The following SLC30A8 variants were observed in gnomAD, a reference collection of about 807,000 sequenced individuals.
The protein encoded by SLC30A8 is solute carrier family 30 member 8, also known as proton-coupled zinc antiporter SLC30A8.
A neutral mutation model predicts 36.9 loss-of-function variants in SLC30A8; 27 were observed. That is an observed-to-expected ratio of 0.73 (90% CI 0.54 to 1.01). SLC30A8 has a LOEUF of 1.01. SLC30A8 is among the 50% of genes least tolerant of loss of function. SLC30A8 has a pLI of 0.00. For missense variants in SLC30A8, 439 were observed against 452.0 expected, an observed-to-expected ratio of 0.97 and a Z score of 0.26; for synonymous variants, 164 against 172.4, an observed-to-expected ratio of 0.95 and a Z score of 0.38.
intron 1 of SLC30A8, among the ~76,000 whole-genome samples, chr8:116,984,529 T>C (rs775588087): frequency 3.5e-4 from 53 of 152,282 alleles, no homozygotes; most frequent in Non-Finnish European, 6.9e-4. Context: ...GATGTCTCAT[T>C]GGGGTTTTAA....
At chr8:117,041,546 T>C (rs1390198318) in intron 2 of SLC30A8, among the ~76,000 whole-genome samples, 3 of 151,956 alleles carry the variant, frequency 2.0e-5, no homozygotes, top group Non-Finnish European at 4.4e-5. Context: ...AAAAATTAGC[T>C]GGGCGTGGTG....
At chr8:117,031,966 T>G (rs1817066304) in intron 1 of SLC30A8, among the ~76,000 whole-genome samples, 1 of 152,166 alleles carries the variant, frequency 6.6e-6, no homozygotes. Context: ...CCTTTCCACT[T>G]TCACTCCTCA....
intron 2 of SLC30A8, among the ~76,000 whole-genome samples, chr8:117,097,974 A>G (rs1819525840): frequency 8.1e-6 from 1 of 122,876 alleles, no homozygotes. Flanking sequence ...TAAATAAATA[A>G]TAAATTTAAT....
chr8:117,171,016 T>G lies in SLC30A8; in HGVS notation c.830-18T>G, dbSNP rs1427750132. On this transcript the variant is annotated intron_variant, in intron 6 of 7. Transcript: ENST00000456015. ...TCTAGTTGAATAACTACAGCCTCCA[T>G]CTCTTCCCTTTTGTCAGGTGTGCCA... The G allele has an allele frequency of 6.4e-6, 10 of 1,569,956 alleles. No individual in the cohort carries two copies. The highest frequency in any genetic ancestry group is 1.9e-5 in the Admixed American group (1 of 53,612).
intron 2 of SLC30A8, among the ~76,000 whole-genome samples, chr8:117,151,223 G>A (rs1452736649): frequency 1.3e-5 from 2 of 152,148 alleles, no homozygotes; most frequent in Non-Finnish European, 2.9e-5. Flanking sequence ...CCCAGTGAGG[G>A]CAGCTCTCTG....
At chr8:117,039,767 A>G (rs1001207047) in intron 2 of SLC30A8, among the ~76,000 whole-genome samples, 2 of 152,326 alleles carry the variant, frequency 1.3e-5, no homozygotes, top group South Asian at 4.1e-4. Flanking sequence ...GCTTTTCTGT[A>G]TGTTTGTGAC....
chr8:117,152,957 T>G lies in SLC30A8; in HGVS notation c.285T>G (p.Ala95=), dbSNP rs1554590913. The G allele has an allele frequency of 1.9e-6, 3 of 1,609,314 alleles. No homozygotes were observed. The South Asian group carries it at 3.3e-5, about 18-fold the overall frequency. ...MIAEVVGGHI[A]GSLAVVTDAA... The stretch of plus-strand genomic sequence containing the variant: ...TGCATTCTCTAGGTGGGCACATTGC[T>G]GGGAGTCTTGCTGTTGTCACAGATG... The change falls in exon 3 of 8, where the codon GCT becomes GCG. Residue 95 remains alanine, a synonymous_variant. Transcript: ENST00000456015.
chr8:117,018,673 C>A (rs1009687719), intron 1 of SLC30A8, among the ~76,000 whole-genome samples: 2 of 124,896 alleles, frequency 1.6e-5, no homozygotes, highest in Non-Finnish European at 3.4e-5. Context: ...GCCCCCCCCC[C>A]CCTTTTTTTT....
In SLC30A8 at chr8:117,152,960, G is replaced by A; in HGVS notation, c.288G>A (p.Gly96=). The change falls in exon 3 of 8, where the codon GGG becomes GGA. Residue 96 remains glycine (G), a synonymous_variant. Transcript: ENST00000456015. The part of the protein sequence containing the change: ...IAEVVGGHIA[G]SLAVVTDAAH... ...ATTCTCTAGGTGGGCACATTGCTGGGAGTCTTGCTGTTGTCACAGATGCTG... is the reference window on the plus strand; with the variant it reads ...ATTCTCTAGGTGGGCACATTGCTGGAAGTCTTGCTGTTGTCACAGATGCTG... The A allele has an allele frequency of 6.2e-7, 1 of 1,609,430 alleles. No homozygotes were observed. The highest frequency in any genetic ancestry group is 8.5e-7 in the Non-Finnish European group (1 of 1,176,732).
chr8:117,081,839 T>G (rs1247564695), intron 2 of SLC30A8, among the ~76,000 whole-genome samples: 2 of 152,226 alleles, frequency 1.3e-5, no homozygotes, highest in East Asian at 1.9e-4. Flanking sequence ...TTGTGAAGTC[T>G]GGATCAAATA....
chr8:117,151,837 G>A (rs890347040), intron 2 of SLC30A8, among the ~76,000 whole-genome samples: 2 of 152,210 alleles, frequency 1.3e-5, no homozygotes, highest in East Asian at 1.9e-4. Flanking sequence ...AAGGACAGCT[G>A]ATTTGTTAGC....
At chr8:116,990,875 C>G (rs1815616297) in intron 1 of SLC30A8, among the ~76,000 whole-genome samples, 3 of 151,974 alleles carry the variant, frequency 2.0e-5, no homozygotes, top group Admixed American at 2.0e-4. Context: ...TAAAAAACAA[C>G]CAAATAAGTG....
At chr8:117,024,725 G>A (rs1185583515) in intron 1 of SLC30A8, among the ~76,000 whole-genome samples, 1 of 152,174 alleles carries the variant, frequency 6.6e-6, no homozygotes, top group Non-Finnish European at 1.5e-5. Context: ...AAACAAAGGT[G>A]CAGAGCAACA....
At chr8:117,041,767 A>C (rs1349138749) in intron 2 of SLC30A8, among the ~76,000 whole-genome samples, 1 of 152,272 alleles carries the variant, frequency 6.6e-6, no homozygotes, top group East Asian at 1.9e-4. Flanking sequence ...AAAGGACTTG[A>C]CACATTGATT....
intron 1 of SLC30A8, among the ~76,000 whole-genome samples, chr8:116,952,418 T>C (rs1313532046): frequency 6.6e-6 from 1 of 152,168 alleles, no homozygotes; most frequent in African/African-American, 2.4e-5. Flanking sequence ...GAAGGCATCA[T>C]GGCCCCTCAC....
At position 117,051,490 on chromosome 8, in the gene SLC30A8, T is replaced by C. The variant is rs80014144; in HGVS notation, c.-226+12232T>C. Among the ~76,000 whole-genome samples the C allele has an allele frequency of 3.4e-3, 516 of 152,322 alleles. 15 individuals carry two copies. In the East Asian group the frequency reaches 0.063, roughly 19 times the overall value. On this transcript the variant is annotated intron_variant, in intron 2 of 10. Coordinates refer to the SLC30A8 transcript ENST00000427715. ...CCCATGGTAATGAATGGATTCTTGCTGTGGTACTTCATGTGAGAGCTGGTT... is the reference window on the plus strand; with the variant it reads ...CCCATGGTAATGAATGGATTCTTGCCGTGGTACTTCATGTGAGAGCTGGTT...
intron 2 of SLC30A8, among the ~76,000 whole-genome samples, chr8:117,128,134 T>C (rs182544473): frequency 6.6e-6 from 1 of 152,140 alleles, no homozygotes; most frequent in East Asian, 1.9e-4. Context: ...GCTCCTTGCT[T>C]TCTTCTTTCA....
At chr8:117,101,555 T>C (rs1446071395) in intron 2 of SLC30A8, among the ~76,000 whole-genome samples, 1 of 152,218 alleles carries the variant, frequency 6.6e-6, no homozygotes, top group East Asian at 1.9e-4. Flanking sequence ...TTAATAGTGC[T>C]TATCAACTTG....
chr8:117,100,348 C>T lies in SLC30A8; in HGVS notation c.-225-34932C>T, dbSNP rs549070708. On this transcript the variant is annotated intron_variant, in intron 2 of 10. Transcript: ENST00000427715. ...ACCATGCTCTTTTAATTATCTGGTA[C>T]TTTCTCCATAAAAGTATTTTGAGCA... Among the ~76,000 whole-genome samples, 16 of 152,272 alleles carry T rather than the reference C, an allele frequency of 1.1e-4. 1 individual carries two copies. The South Asian group carries it at 2.7e-3, about 26-fold the overall frequency.
Sources: gnomAD v4.1 joint callset for allele counts (sites outside exome capture counted in the v4.1 genomes callset) on GRCh38, gnomAD v4.1.1 for gene constraint, MANE v1.5 for transcripts, NCBI Gene and HGNC (gene_info 2026-07-23, HGNC 2026-07-21) for gene names.